Variants in CPED1 observed in about 807,000 individuals in gnomAD.
The protein encoded by CPED1 is cadherin like and PC-esterase domain containing 1.
In CPED1, 114 loss-of-function variants were observed where a neutral mutation model predicts 128.2. The ratio of observed to expected loss-of-function variants is 0.89; its 90% CI spans 0.76 to 1.04. CPED1 has a LOEUF of 1.04. CPED1 is among the 50% of genes least tolerant of loss of function. The pLI is 0.00. For synonymous variants in CPED1, 462 were observed against 426.7 expected, an observed-to-expected ratio of 1.08 and a Z score of -1.02; for missense variants, 1,211 against 1,207.1, an observed-to-expected ratio of 1.00 and a Z score of -0.05.
chr7:121,046,807 T>G, intron 3 of CPED1, 80 bp from the exon 4 acceptor site: 1 of 891,480 alleles, frequency 1.1e-6, no homozygotes, highest in South Asian at 1.9e-5. Context: ...ATAATTACAT[T>G]TTTTAATCTG....
chr7:121,247,075 G>A (rs1272078063), intron 18 of CPED1, among the ~76,000 whole-genome samples: 1 of 152,196 alleles, frequency 6.6e-6, no homozygotes, highest in Non-Finnish European at 1.5e-5. Flanking sequence ...GAAAGGCCAT[G>A]CCGCAGCAGC....
chr7:121,147,755 A>G (rs953981135), intron 16 of CPED1, among the ~76,000 whole-genome samples: 14 of 152,172 alleles, frequency 9.2e-5, no homozygotes, highest in Non-Finnish European at 2.1e-4. Flanking sequence ...TCTGTTTGAA[A>G]CAGCTTGCAT....
chr7:121,289,137 C>T (rs1483433646), intron 22 of CPED1, among the ~76,000 whole-genome samples: 3 of 152,098 alleles, frequency 2.0e-5, no homozygotes. Flanking sequence ...AACTACAATC[C>T]ACAGGGATTC....
intron 5 of CPED1, among the ~76,000 whole-genome samples, chr7:121,069,492 C>A (rs1793936148): frequency 6.6e-6 from 1 of 151,992 alleles, no homozygotes; most frequent in Non-Finnish European, 1.5e-5. Flanking sequence ...TGAGGCAGGA[C>A]AGAGTGTTGG....
intron 16 of CPED1, among the ~76,000 whole-genome samples, chr7:121,198,197 T>C (rs572758828): frequency 2.6e-5 from 4 of 152,264 alleles, no homozygotes; most frequent in African/African-American, 9.6e-5. Context: ...CAGTACCTTA[T>C]ACCTTGGCAT....
chr7:121,127,311 G>T (rs866494346), intron 10 of CPED1, 54 bp downstream of exon 10: 3 of 1,136,346 alleles, frequency 2.6e-6, no homozygotes, highest in Non-Finnish European at 3.8e-6. Context: ...TCCTTAGAAG[G>T]TGTCATTCTC....
chr7:121,269,373 C>T (rs1237053763), intron 21 of CPED1, among the ~76,000 whole-genome samples: 2 of 151,880 alleles, frequency 1.3e-5, no homozygotes, highest in Admixed American at 1.3e-4. Context: ...AAATATGTAC[C>T]ATGTTTTCTT....
chr7:121,047,783 T>G (rs980200166), intron 4 of CPED1, among the ~76,000 whole-genome samples: 4 of 150,746 alleles, frequency 2.7e-5, no homozygotes, highest in African/African-American at 9.9e-5. Context: ...CGATCTCGGC[T>G]TACTGCAAGC....
intron 16 of CPED1, among the ~76,000 whole-genome samples, chr7:121,225,553 G>A (rs1317693602): frequency 1.3e-5 from 2 of 152,086 alleles, no homozygotes; most frequent in Non-Finnish European, 2.9e-5. Flanking sequence ...AATTCTCCTG[G>A]ATAATATCCT....
At chr7:121,065,695 T>TTTTACATTTGCTTCTG in intron 5 of CPED1, among the ~76,000 whole-genome samples, 1 of 152,272 alleles carries the variant, frequency 6.6e-6, no homozygotes, top group Admixed American at 6.5e-5. Context: ...TAAGTTTATA[T>TTTTACATTTGCTTCTG]TTTACATTTG....
intron 10 of CPED1, among the ~76,000 whole-genome samples, chr7:121,127,764 G>C (rs563374217): frequency 6.6e-6 from 1 of 152,066 alleles, no homozygotes; most frequent in South Asian, 2.1e-4. Context: ...TTGAACTCCT[G>C]ACCTCGTGAT....
intron 16 of CPED1, among the ~76,000 whole-genome samples, chr7:121,202,046 G>A (rs1296252655): frequency 1.3e-5 from 2 of 152,096 alleles, no homozygotes; most frequent in Admixed American, 6.6e-5. Context: ...ACATTTCAGA[G>A]AATAATTTTT....
intron 16 of CPED1, among the ~76,000 whole-genome samples, chr7:121,182,070 G>T (rs1209996650): frequency 6.6e-6 from 1 of 151,932 alleles, no homozygotes; most frequent in Admixed American, 6.6e-5. Flanking sequence ...AACTTTTTGT[G>T]CCCCAAACCC....
intron 18 of CPED1, among the ~76,000 whole-genome samples, chr7:121,254,320 G>T (rs6944914): frequency 0.42 from 63,097 of 151,762 alleles, 13,561 homozygotes; most frequent in Middle Eastern, 0.52. Flanking sequence ...TTTGGGAGAA[G>T]AATGAAATTA....
intron 16 of CPED1, among the ~76,000 whole-genome samples, chr7:121,150,109 T>C (rs1361816922): frequency 6.6e-6 from 1 of 151,762 alleles, no homozygotes; most frequent in Non-Finnish European, 1.5e-5. Flanking sequence ...GTTGCATGAG[T>C]ATGTTTTGTG....
At chr7:121,139,228 T>C (rs916515127) in intron 14 of CPED1, among the ~76,000 whole-genome samples, 14 of 152,034 alleles carry the variant, frequency 9.2e-5, no homozygotes, top group African/African-American at 3.4e-4. Context: ...CCCAATTCAG[T>C]GAGTTATTCA....
intron 21 of CPED1, among the ~76,000 whole-genome samples, chr7:121,270,262 T>G (rs1323483042): frequency 1.3e-5 from 2 of 152,154 alleles, no homozygotes; most frequent in African/African-American, 2.4e-5. Flanking sequence ...CTGATTTAAA[T>G]TACTTATGGA....
intron 7 of CPED1, among the ~76,000 whole-genome samples, chr7:121,117,077 T>TTATATATATATATATATATATAAATATA (rs1180937780): frequency 4.0e-4 from 52 of 128,774 alleles, no homozygotes; most frequent in African/African-American, 1.2e-3. Context: ...TATATACACA[T>TTATATATATATATATATATATAAATATA]TATATATATA....
intron 16 of CPED1, among the ~76,000 whole-genome samples, chr7:121,201,794 T>C (rs1166862805): frequency 3.9e-5 from 6 of 152,140 alleles, no homozygotes; most frequent in African/African-American, 7.2e-5. Flanking sequence ...CTGCAGTTTA[T>C]ATTTTTTTCT....
Sources: allele counts gnomAD v4.1 joint callset (sites outside exome capture counted in the v4.1 genomes callset), GRCh38; gene constraint gnomAD v4.1.1; transcripts MANE v1.5; gene names NCBI Gene and HGNC (gene_info 2026-07-23, HGNC 2026-07-21).